The following HYAL3 variants were observed in gnomAD, a reference collection of about 807,000 sequenced individuals.
HYAL3 encodes hyaluronidase 3.
HYAL3 carries 25 observed loss-of-function variants against 29.6 expected under a neutral mutation model. The observed-to-expected ratio is 0.85, with a 90% CI of 0.62 to 1.18. The LOEUF (loss-of-function observed/expected upper bound fraction) is 1.18. Ranked by LOEUF, HYAL3 falls within the 50% of genes most tolerant of loss-of-function variation. The pLI is 0.00. For missense variants in HYAL3, 442 were observed against 548.4 expected, an observed-to-expected ratio of 0.81 and a Z score of 1.94; for synonymous variants, 215 against 218.3, an observed-to-expected ratio of 0.99 and a Z score of 0.13.
rs1701786803 is a variant in HYAL3, at chr3:50,295,073, G to A, written c.530C>T (p.Ala177Val). The change falls in exon 2 of 4, where the codon GCC becomes GTC. Residue 177 changes from alanine (A) to valine (V), a missense_variant. Ala to Val is a moderately conservative substitution (Grantham distance 64, BLOSUM62 0). Coordinates refer to ENST00000336307, the MANE Select transcript of HYAL3 (RefSeq NM_003549.4). ...CAGCGTATCCTCCATCAGTGCACGGGCCGCCTGCTCAAAGCCAGTATAGGC... is the reference window on the plus strand; with the variant it reads ...CAGCGTATCCTCCATCAGTGCACGGACCGCCTGCTCAAAGCCAGTATAGGC... ...YKAYTGFEQA[A>V]RALMEDTLRV... 4 of 1,613,274 alleles carry A rather than the reference G, an allele frequency of 2.5e-6. No homozygotes were observed. Among genetic ancestry groups the A allele is most frequent in the Non-Finnish European group, 3.4e-6 (4 of 1,179,754 alleles).
chr3:50,292,952 T>G lies in HYAL3; in HGVS notation c.*294A>C. 6.5e-7 allele frequency: 1 copy of G among 1,535,226 alleles called. No individual in the cohort carries two copies. The highest frequency in any genetic ancestry group is 8.8e-7 in the Non-Finnish European group (1 of 1,139,740). On this transcript the variant is annotated 3_prime_UTR_variant, in exon 4 of 4. Transcript: ENST00000336307. ...GCACGGCCCATCTGTGACCTCTCCATGGGCTTAGTGAGGTGTAGGCACAAA... is the reference window on the plus strand; with the variant it reads ...GCACGGCCCATCTGTGACCTCTCCAGGGGCTTAGTGAGGTGTAGGCACAAA...
chr3:50,296,711 CA>C, intron 1 of HYAL3: 1 of 1,612,966 alleles, frequency 6.2e-7, no homozygotes, highest in Non-Finnish European at 8.5e-7. Flanking sequence ...GTGAGATGGT[CA>C]GGCACTCAGG....
chr3:50,296,590 G>A, intron 1 of HYAL3: 1 of 1,612,980 alleles, frequency 6.2e-7, no homozygotes, highest in South Asian at 1.1e-5. Flanking sequence ...ACAGTTCCTT[G>A]CCCTGGATGG....
chr3:50,294,301 A>G (rs1190369995), intron 2 of HYAL3, among the ~76,000 whole-genome samples: 1 of 152,166 alleles, frequency 6.6e-6, no homozygotes, highest in African/African-American at 2.4e-5. Flanking sequence ...CTCTGTCTCA[A>G]ATGTTTTTTT....
chr3:50,295,324 C>G lies in HYAL3; in HGVS notation c.279G>C (p.Gly93=). ...YFGPRGTAHN[G]GIPQALPLDR... ...CAAGGGGCAAAGCCTGGGGGATGCC[C>G]CCATTGTGAGCTGTGCCCCTGGGTC... The change falls in exon 2 of 4, where the codon GGG becomes GGC. Residue 93 remains glycine (G), a synonymous_variant. Transcript: ENST00000336307. 1 of 1,614,180 alleles carries G rather than the reference C, an allele frequency of 6.2e-7. No individual in the cohort carries two copies. Among genetic ancestry groups the G allele is most frequent in the Non-Finnish European group, 8.5e-7 (1 of 1,180,034 alleles).
Position 50,299,332 on chromosome 3 carries a change from G to A in HYAL3, c.-137C>T. On this transcript the variant is annotated 5_prime_UTR_variant, in exon 1 of 4. Transcript: ENST00000336307. ...GTTGGCCCCCAGCGGTGCGGCGGAT[G>A]TTCTGCAGCCGTCGCGTCCTGCGGC... The A allele has an allele frequency of 3.1e-6, 5 of 1,591,570 alleles. No homozygotes were observed. Among genetic ancestry groups the A allele is most frequent in the Non-Finnish European group, 4.3e-6 (5 of 1,171,000 alleles).
Position 50,295,157 on chromosome 3 carries a change from G to A in HYAL3, c.446C>T (p.Ser149Phe). The A allele has an allele frequency of 6.2e-7, 1 of 1,613,558 alleles. No individual in the cohort carries two copies. The highest frequency in any genetic ancestry group is 1.7e-5 in the Admixed American group (1 of 60,036). ...GAATACCTGCTGTGCCCAAGCCCAA[G>A]AGGCTGCCTGATAAGCTCGGCGGCG... ...WGRRRAYQAA[S>F]WAWAQQVFPD... The change falls in exon 2 of 4, where the codon TCT becomes TTT. Residue 149 changes from serine (S) to phenylalanine (F), a missense_variant. Ser to Phe is a radical substitution (Grantham distance 155, BLOSUM62 -2). Coordinates refer to ENST00000336307, the MANE Select transcript of HYAL3 (RefSeq NM_003549.4).
intron 2 of HYAL3, among the ~76,000 whole-genome samples, chr3:50,294,364 C>T (rs1349964004): frequency 6.6e-6 from 1 of 152,158 alleles, no homozygotes; most frequent in African/African-American, 2.4e-5. Flanking sequence ...AACTCTTGGC[C>T]TCAAGGAATC....
intron 1 of HYAL3, chr3:50,298,851 C>A: frequency 8.1e-7 from 1 of 1,240,104 alleles, no homozygotes; most frequent in South Asian, 1.8e-5. Flanking sequence ...GCAGCCGCAC[C>A]CTTTGGTCTA....
intron 1 of HYAL3, 56 bp downstream of exon 1, chr3:50,299,157 G>A: frequency 6.2e-7 from 1 of 1,613,900 alleles, no homozygotes; most frequent in South Asian, 1.1e-5. Context: ...GCCACTTGGG[G>A]ACCGCACGCG....
At chr3:50,296,493 A>C in intron 1 of HYAL3, 1 of 1,314,550 alleles carries the variant, frequency 7.6e-7, no homozygotes, top group South Asian at 1.4e-5. Flanking sequence ...TGCCCAGGTT[A>C]AAGCTGCCCC....
In HYAL3 at chr3:50,295,023, G is replaced by A; in HGVS notation, c.580C>T (p.His194Tyr). Residue 194 changes from histidine (H) to tyrosine (Y), a missense_variant, in exon 2 of 4, where the codon CAT becomes TAT. Coordinates refer to ENST00000336307, the MANE Select transcript of HYAL3 (RefSeq NM_003549.4). The stretch of plus-strand genomic sequence containing the variant: ...TAGTGATAGAAGCCCCAGAGTCCAT[G>A]GGGCCGTAGTGCCTGGGCCACCCGC... ...TLRVAQALRP[H>Y]GLWGFYHYPA... The A allele has an allele frequency of 1.9e-6, 3 of 1,613,440 alleles. No homozygotes were observed. The highest frequency in any genetic ancestry group is 2.5e-6 in the Non-Finnish European group (3 of 1,179,946).
rs1553711489 is a variant in HYAL3, at chr3:50,297,279, AG to A, written c.-17-1661del. 1 of 1,606,254 alleles carries A rather than the reference AG, an allele frequency of 6.2e-7. No individual in the cohort carries two copies. The highest frequency in any genetic ancestry group is 2.2e-5 in the East Asian group (1 of 44,712). On this transcript the variant is annotated intron_variant, in intron 1 of 3. Coordinates refer to ENST00000336307, the MANE Select transcript of HYAL3 (RefSeq NM_003549.4). The surrounding 1 kb of genome is among the most constrained non-coding windows in gnomAD (Gnocchi z 4.3). ...CTCGGGTCGGCGGTGCACAGGCTCC[AG>A]GGTCAACTCAGCCAGGCTAGGAGCT...
intron 1 of HYAL3, chr3:50,296,912 G>A (rs368930795): frequency 5.6e-6 from 9 of 1,608,674 alleles, no homozygotes; most frequent in African/African-American, 4.0e-5. Context: ...AGCCCAGGTG[G>A]GTATAGAAGT....
rs1553710414 is a variant in HYAL3, at chr3:50,293,512, C to T, written c.988G>A (p.Glu330Lys). ...AGGTAGTCATGGAGATGCCAGCACT[C>T]CTCCTGAGGAGAAGGGAAGATATGT... ...GDLSLSSSEE[E>K]CWHLHDYLVD... The change falls in exon 4 of 4, where the codon GAG (glutamate) becomes AAG (lysine). Residue 330 changes from glutamate to lysine, a missense_variant. Transcript: ENST00000336307. The T allele has an allele frequency of 6.2e-7, 1 of 1,612,068 alleles. No individual in the cohort carries two copies. The highest frequency in any genetic ancestry group is 1.7e-5 in the Admixed American group (1 of 59,994).
Position 50,293,260 on chromosome 3 carries a change from T to TAGGCCC in HYAL3, c.1234_1239dup (p.Gly412_Pro413dup), listed in dbSNP as rs1701723705. On this transcript the variant is annotated inframe_insertion, in exon 4 of 4. Coordinates refer to ENST00000336307, the MANE Select transcript of HYAL3 (RefSeq NM_003549.4). ...GGGCCCTGGCTTTATACTGCTTCTT[T>TAGGCCC]AGGCCCAGGCCTGGGCTCCTGGCAG... The TAGGCCC allele has an allele frequency of 6.2e-7, 1 of 1,613,138 alleles. No homozygotes were observed. Among genetic ancestry groups the TAGGCCC allele is most frequent in the Non-Finnish European group, 8.5e-7 (1 of 1,180,024 alleles).
In HYAL3 at chr3:50,293,003, C is replaced by G; in HGVS notation, c.*243G>C. ...GCCCTAGGCTGGCAGCCCTAACTAG[C>G]TGGAACCTGACTCTCCCTGGAACTG... On this transcript the variant is annotated 3_prime_UTR_variant, in exon 4 of 4. Transcript: ENST00000336307. 2.6e-6 allele frequency: 4 copies of G among 1,536,400 alleles called. No individual in the cohort carries two copies. The highest frequency in any genetic ancestry group is 3.5e-6 in the Non-Finnish European group (4 of 1,132,328).
At chr3:50,294,038 CA>C (rs1160055754) in intron 2 of HYAL3, among the ~76,000 whole-genome samples, 1 of 152,198 alleles carries the variant, frequency 6.6e-6, no homozygotes, top group African/African-American at 2.4e-5. Context: ...CAGTGGCTCA[CA>C]CCTGTAATCC....
At position 50,295,064 on chromosome 3, in the gene HYAL3, A is replaced by T; in HGVS notation, c.539T>A (p.Leu180Gln). 1 of 1,613,324 alleles carries T rather than the reference A, an allele frequency of 6.2e-7. No individual in the cohort carries two copies. The highest frequency in any genetic ancestry group is 8.5e-7 in the Non-Finnish European group (1 of 1,179,808). ...GGCCACCCGCAGCGTATCCTCCATCAGTGCACGGGCCGCCTGCTCAAAGCC... is the reference window on the plus strand; with the variant it reads ...GGCCACCCGCAGCGTATCCTCCATCTGTGCACGGGCCGCCTGCTCAAAGCC... ...YTGFEQAARA[L>Q]MEDTLRVAQA... The change falls in exon 2 of 4, where the codon CTG becomes CAG. Residue 180 changes from leucine to glutamine, a missense_variant. Leu to Gln is a moderately radical substitution (Grantham distance 113, BLOSUM62 -2). Coordinates refer to ENST00000336307, the MANE Select transcript of HYAL3 (RefSeq NM_003549.4).
Sources: gnomAD v4.1 joint callset for allele counts (sites outside exome capture counted in the v4.1 genomes callset) on GRCh38, gnomAD v4.1.1 for gene constraint, Gnocchi (gnomAD v3.1) non-coding constraint, MANE v1.5 for transcripts, NCBI Gene and HGNC (gene_info 2026-07-23, HGNC 2026-07-21) for gene names.